The following PRMT3 variants were observed in gnomAD, a reference collection of about 807,000 sequenced individuals.
PRMT3 encodes protein arginine N-methyltransferase 3.
Under a neutral mutation model 71.9 loss-of-function variants are expected in PRMT3, and 62 were observed. The observed-to-expected ratio is 0.86, with a 90% CI of 0.70 to 1.07. The LOEUF is 1.07. PRMT3 is among the 50% of genes least tolerant of loss of function. The pLI is 0.00. For missense variants in PRMT3, 663 were observed against 643.0 expected (o/e 1.03, Z -0.34); for synonymous variants, 213 against 220.4 (o/e 0.97, Z 0.30).
intron 9 of PRMT3, among the ~76,000 whole-genome samples, chr11:20,412,498 G>A (rs1849216358): frequency 6.6e-6 from 1 of 151,838 alleles, no homozygotes; most frequent in African/African-American, 2.4e-5. Context: ...ATGAATTCCT[G>A]TGTGCCTATC....
At chr11:20,497,694 G>A (rs1168814230) in intron 15 of PRMT3, among the ~76,000 whole-genome samples, 1 of 152,190 alleles carries the variant, frequency 6.6e-6, no homozygotes, top group Non-Finnish European at 1.5e-5. Flanking sequence ...ATGTGTATAT[G>A]TAGGATTAAA....
chr11:20,403,077 T>A, intron 8 of PRMT3, 93 bp downstream of exon 8: 1 of 915,148 alleles, frequency 1.1e-6, no homozygotes, highest in Non-Finnish European at 1.7e-6. Flanking sequence ...GCAATTGATT[T>A]AACATCTTCT....
At chr11:20,473,390 C>T (rs956499837) in intron 13 of PRMT3, among the ~76,000 whole-genome samples, 6 of 152,082 alleles carry the variant, frequency 3.9e-5, no homozygotes, top group African/African-American at 1.4e-4. Flanking sequence ...TCCCTCTTAA[C>T]ACTGCGTTAG....
Position 20,416,995 on chromosome 11 carries a change from G to A in PRMT3, c.893+8963G>A, listed in dbSNP as rs545687922. 9.9e-5 allele frequency among the ~76,000 whole-genome samples: 15 copies of A among 152,242 alleles called. No individual in the cohort carries two copies. The South Asian group carries it at 1.0e-3, about 11-fold the overall frequency. On this transcript the variant is annotated intron_variant, in intron 9 of 15. Transcript: ENST00000331079. ...GACTGGTCAGTTTACAGTTACCCCC[G>A]TAATGTTTTAGTCCCTTTATCACTC...
chr11:20,414,586 G>A (rs575117418), intron 9 of PRMT3, among the ~76,000 whole-genome samples: 6 of 152,210 alleles, frequency 3.9e-5, no homozygotes, highest in South Asian at 2.1e-4. Flanking sequence ...CGCAGGTAGC[G>A]TCTGTTTAAT....
At position 20,464,545 on chromosome 11, in the gene PRMT3, C is replaced by A; in HGVS notation, c.1346C>A (p.Thr449Lys). 6.2e-7 allele frequency: 1 copy of A among 1,609,190 alleles called. No homozygotes were observed. ...AAAATCACAAGGACATCCATGTGCACGGTAAGCTATTTCATTCTGCTTTTA... is the reference window on the plus strand; with the variant it reads ...AAAATCACAAGGACATCCATGTGCAAGGTAAGCTATTTCATTCTGCTTTTA... ...TLKITRTSMC[T>K]AIAGYFDIYF... The change falls in exon 13 of 16, where the codon ACG becomes AAG. Residue 449 changes from threonine (T) to lysine (K), a missense_variant and splice_region_variant. Coordinates refer to ENST00000331079, the MANE Select transcript of PRMT3 (RefSeq NM_005788.4).
At chr11:20,469,013 TATA>T (rs1850580856) in intron 13 of PRMT3, among the ~76,000 whole-genome samples, 1 of 151,906 alleles carries the variant, frequency 6.6e-6, no homozygotes, top group Non-Finnish European at 1.5e-5. Context: ...TTGAATCATC[TATA>T]ATGATTGAAG....
chr11:20,407,743 C>T, intron 8 of PRMT3, 168 bp from the exon 9 acceptor site: 1 of 531,390 alleles, frequency 1.9e-6, no homozygotes, highest in Non-Finnish European at 3.2e-6. Context: ...AATCCCAGCA[C>T]TTTGGGAGGC....
chr11:20,432,687 T>C (rs1849680147), intron 10 of PRMT3, among the ~76,000 whole-genome samples: 1 of 152,174 alleles, frequency 6.6e-6, no homozygotes, highest in African/African-American at 2.4e-5. Flanking sequence ...CAACAGTGTA[T>C]AAGAATTCTC....
intron 13 of PRMT3, among the ~76,000 whole-genome samples, chr11:20,467,969 C>T (rs1015588554): frequency 4.6e-5 from 7 of 152,188 alleles, no homozygotes; most frequent in African/African-American, 1.7e-4. Flanking sequence ...GAGCTACTTA[C>T]GCAAGCATGG....
At chr11:20,474,564 C>T (rs780960146) in intron 13 of PRMT3, among the ~76,000 whole-genome samples, 4 of 152,166 alleles carry the variant, frequency 2.6e-5, no homozygotes, top group East Asian at 3.9e-4. Context: ...TGTATTGGAC[C>T]GAAGGCCCTG....
chr11:20,428,087 A>ATT (rs554689101), intron 10 of PRMT3, among the ~76,000 whole-genome samples: 1 of 149,756 alleles, frequency 6.7e-6, no homozygotes. Context: ...CAGTATGTTG[A>ATT]TTTTTTTTTT....
At chr11:20,403,634 C>T (rs34541002) in intron 8 of PRMT3, among the ~76,000 whole-genome samples, 5,244 of 150,410 alleles carry the variant, frequency 0.035, 128 homozygotes, top group Middle Eastern at 0.083. Flanking sequence ...TCTCTCTTTT[C>T]CTCTCTTTAT....
chr11:20,497,661 C>G (rs946934449), intron 15 of PRMT3, among the ~76,000 whole-genome samples: 3 of 152,074 alleles, frequency 2.0e-5, no homozygotes, highest in Admixed American at 1.3e-4. Context: ...GGAAGACTCC[C>G]GGAGTTTTAC....
chr11:20,425,092 T>G (rs1214841309), intron 9 of PRMT3, among the ~76,000 whole-genome samples: 2 of 146,808 alleles, frequency 1.4e-5, no homozygotes, highest in Non-Finnish European at 3.0e-5. Flanking sequence ...GGCAACAGAG[T>G]GAGACCCTGT....
intron 15 of PRMT3, among the ~76,000 whole-genome samples, chr11:20,507,355 C>G (rs1235642171): frequency 6.6e-6 from 1 of 152,200 alleles, no homozygotes; most frequent in African/African-American, 2.4e-5. Flanking sequence ...CAGAACCCAC[C>G]ATAGGGCCTC....
chr11:20,455,307 C>T (rs1850243514), intron 11 of PRMT3, among the ~76,000 whole-genome samples: 1 of 152,066 alleles, frequency 6.6e-6, no homozygotes, highest in Admixed American at 6.5e-5. Context: ...ATTTTAATTG[C>T]TTTATCTTTA....
At chr11:20,479,988 C>T (rs1015242753) in intron 13 of PRMT3, among the ~76,000 whole-genome samples, 1 of 152,004 alleles carries the variant, frequency 6.6e-6, no homozygotes, top group Non-Finnish European at 1.5e-5. Flanking sequence ...ATGAGCTTGG[C>T]AATATAGCAC....
At chr11:20,448,175 A>G (rs1850073048) in intron 10 of PRMT3, among the ~76,000 whole-genome samples, 1 of 152,064 alleles carries the variant, frequency 6.6e-6, no homozygotes, top group Non-Finnish European at 1.5e-5. Context: ...TAAAGTAACC[A>G]AAACTGGAAA....
Sources: gnomAD v4.1 joint callset for allele counts (sites outside exome capture counted in the v4.1 genomes callset) on GRCh38, gnomAD v4.1.1 for gene constraint, MANE v1.5 for transcripts, NCBI Gene and HGNC (gene_info 2026-07-23, HGNC 2026-07-21) for gene names.